AGAP1: variants seen among roughly 807,000 people sequenced by gnomAD.
AGAP1 encodes ArfGAP with GTPase domain, ankyrin repeat and PH domain 1, also known as arf-GAP with GTPase, ANK repeat and PH domain-containing protein 1.
Under a neutral mutation model 105.3 loss-of-function variants are expected in AGAP1, and 29 were observed. That is an observed-to-expected ratio of 0.28 (90% CI 0.21 to 0.38). The LOEUF (loss-of-function observed/expected upper bound fraction) is 0.38, where lower values mean the gene tolerates loss of function less well. Ranked by LOEUF, AGAP1 falls within the 10% of genes least tolerant of loss-of-function variation. The pLI is 1.00. For missense variants in AGAP1, 998 were observed against 1,165.1 expected, an observed-to-expected ratio of 0.86 and a Z score of 2.09; for synonymous variants, 509 against 485.9, an observed-to-expected ratio of 1.05 and a Z score of -0.63.
rs530543131 is a variant in AGAP1 at position 235,867,760 on chromosome 2, G to A, written c.1051-15585G>A. Among the ~76,000 whole-genome samples, 70 of 152,258 alleles carry A rather than the reference G, an allele frequency of 4.6e-4. 1 individual carries two copies. The South Asian group carries it at 0.013, about 29-fold the overall frequency. On this transcript the variant is annotated intron_variant, in intron 9 of 17. Coordinates refer to ENST00000304032, the MANE Select transcript of AGAP1 (RefSeq NM_001037131.3). This position sits in a 1 kb window ranked among gnomAD's most constrained non-coding sequence, Gnocchi z 5.4. ...GGATGTCAGGGGAGCCTCAGCAGGG[G>A]CATCACCTGGATGTACCATTTTCCG...
rs1174549435 is a variant in AGAP1 at position 235,720,968 on chromosome 2, G to A, written c.310+3324G>A. ...TTTTGGTTGATATTTTATTCTTGTAGTGAAGAGAGCCAACTCACAAGATTT... is the reference window on the plus strand; with the variant it reads ...TTTTGGTTGATATTTTATTCTTGTAATGAAGAGAGCCAACTCACAAGATTT... On this transcript the variant is annotated intron_variant, in intron 3 of 17. Coordinates refer to ENST00000304032, the MANE Select transcript of AGAP1 (RefSeq NM_001037131.3). The surrounding 1 kb of genome is among the most constrained non-coding windows in gnomAD (Gnocchi z 5.0). Among the ~76,000 whole-genome samples, 2 of 152,080 alleles carry A rather than the reference G, an allele frequency of 1.3e-5. No individual in the cohort carries two copies. Among genetic ancestry groups the A allele is most frequent in the Non-Finnish European group, 2.9e-5 (2 of 68,024 alleles).
chr2:235,677,415 T>C (rs765191585), intron 1 of AGAP1, among the ~76,000 whole-genome samples: 3 of 152,128 alleles, frequency 2.0e-5, no homozygotes, highest in Non-Finnish European at 2.9e-5. Context: ...TGAAGATAAT[T>C]TTTATGAGGT....
intron 1 of AGAP1, among the ~76,000 whole-genome samples, chr2:235,536,797 T>G (rs921221422): frequency 1.3e-5 from 2 of 152,190 alleles, no homozygotes; most frequent in African/African-American, 4.8e-5. Flanking sequence ...ATTCACTTGA[T>G]TCTTCACGCG....
intron 6 of AGAP1, among the ~76,000 whole-genome samples, chr2:235,791,109 AT>A (rs1327990436): frequency 6.6e-6 from 1 of 152,258 alleles, no homozygotes; most frequent in East Asian, 1.9e-4. Flanking sequence ...ATGGGCTTGA[AT>A]TATCAACAAT....
intron 13 of AGAP1, among the ~76,000 whole-genome samples, chr2:235,990,593 A>G (rs1406082673): frequency 6.6e-6 from 1 of 152,208 alleles, no homozygotes; most frequent in African/African-American, 2.4e-5. Context: ...TTCCAAGGGC[A>G]GGCATCACAT....
In AGAP1 at chr2:235,889,911, A is replaced by G. The variant is rs1033021683; in HGVS notation, c.1155+6462A>G. ...AGCCAACTCAGACTAAGAAAGCTCCATGAAAGTTTATGCCAGTGATAACCT... is the reference window on the plus strand; with the variant it reads ...AGCCAACTCAGACTAAGAAAGCTCCGTGAAAGTTTATGCCAGTGATAACCT... On this transcript the variant is annotated intron_variant, in intron 10 of 17. Coordinates refer to ENST00000304032, the MANE Select transcript of AGAP1 (RefSeq NM_001037131.3). This position sits in a 1 kb window ranked among gnomAD's most constrained non-coding sequence, Gnocchi z 4.6. 1.3e-5 allele frequency among the ~76,000 whole-genome samples: 2 copies of G among 151,654 alleles called. No individual in the cohort carries two copies. The highest frequency in any genetic ancestry group is 2.1e-4 in the South Asian group (1 of 4,772).
At chr2:236,013,458 C>T (rs1424665991) in intron 13 of AGAP1, among the ~76,000 whole-genome samples, 3 of 152,190 alleles carry the variant, frequency 2.0e-5, no homozygotes, top group African/African-American at 7.2e-5. Flanking sequence ...GTTAACCTGT[C>T]GTAAGTCAGG....
intron 1 of AGAP1, among the ~76,000 whole-genome samples, chr2:235,536,468 TACAC>T (rs68065934): frequency 0.033 from 1,626 of 48,906 alleles, 108 homozygotes; most frequent in East Asian, 0.071. Context: ...TGTGGCATCC[TACAC>T]ACACACACAC....
rs1952746803 is a variant in AGAP1, at chr2:235,744,112, C to A, written c.397-586C>A. Among the ~76,000 whole-genome samples, 2 of 152,162 alleles carry A rather than the reference C, an allele frequency of 1.3e-5. No homozygotes were observed. Among genetic ancestry groups the A allele is most frequent in the South Asian group, 4.1e-4 (2 of 4,824 alleles). Reference sequence around the variant, plus strand: ...TTCTTCCCTAAGTTTTGTTAATTTCCCTGAAAATAAGTAGTCATTTCTTTG... The same window carrying A: ...TTCTTCCCTAAGTTTTGTTAATTTCACTGAAAATAAGTAGTCATTTCTTTG... On this transcript the variant is annotated intron_variant, in intron 4 of 17. Transcript: ENST00000304032. The surrounding 1 kb of genome is among the most constrained non-coding windows in gnomAD (Gnocchi z 5.2).
chr2:235,699,214 T>C (rs1239646089), intron 1 of AGAP1, among the ~76,000 whole-genome samples: 4 of 152,082 alleles, frequency 2.6e-5, no homozygotes, highest in African/African-American at 9.7e-5. Flanking sequence ...TGCTGGGGCA[T>C]GGGAACAGCG....
chr2:235,519,897 C>G (rs976890234), intron 1 of AGAP1, among the ~76,000 whole-genome samples: 1 of 152,168 alleles, frequency 6.6e-6, no homozygotes, highest in Non-Finnish European at 1.5e-5. Flanking sequence ...ATTCTCCTGC[C>G]TCAGCCTCCT....
At chr2:235,518,854 C>G (rs192629566) in intron 1 of AGAP1, among the ~76,000 whole-genome samples, 1 of 152,282 alleles carries the variant, frequency 6.6e-6, no homozygotes, top group African/African-American at 2.4e-5. Flanking sequence ...GCTTGCCTCG[C>G]GGGTGCACTT....
intron 2 of AGAP1, among the ~76,000 whole-genome samples, chr2:235,711,355 G>A (rs1273190239): frequency 6.6e-6 from 1 of 152,206 alleles, no homozygotes; most frequent in African/African-American, 2.4e-5. Context: ...TTCAGAGAGG[G>A]CCCACATGAT....
In AGAP1 at chr2:235,661,193, G is replaced by A. The variant is rs374368581; in HGVS notation, c.164-47986G>A. On this transcript the variant is annotated intron_variant, in intron 1 of 17. Coordinates refer to ENST00000304032, the MANE Select transcript of AGAP1 (RefSeq NM_001037131.3). ...AGTAGAGGGAGAGTGGACTCTTCGG[G>A]TAGTTCAGACAGATACGCAGGTGGG... Among the ~76,000 whole-genome samples, 3 of 152,250 alleles carry A rather than the reference G, an allele frequency of 2.0e-5. No individual in the cohort carries two copies. In the South Asian group the frequency reaches 6.2e-4, roughly 32 times the overall value.
At position 236,096,271 on chromosome 2, in the gene AGAP1, C is replaced by T. The variant is rs1257259241; in HGVS notation, c.2115-23921C>T. On this transcript the variant is annotated intron_variant, in intron 16 of 17. Coordinates refer to ENST00000304032, the MANE Select transcript of AGAP1 (RefSeq NM_001037131.3). This position sits in a 1 kb window ranked among gnomAD's most constrained non-coding sequence, Gnocchi z 4.4. ...ATCCCAGCACTTCGGGAGGCCAAGG[C>T]GGGGGAATCCCTGAGGTTAGAAGTT... Among the ~76,000 whole-genome samples, 3 of 152,088 alleles carry T rather than the reference C, an allele frequency of 2.0e-5. No homozygotes were observed. The highest frequency in any genetic ancestry group is 2.9e-5 in the Non-Finnish European group (2 of 68,014).
chr2:235,716,562 G>T lies in AGAP1; in HGVS notation c.223-995G>T, dbSNP rs997933795. On this transcript the variant is annotated intron_variant, in intron 2 of 17. Transcript: ENST00000304032. This position sits in a 1 kb window ranked among gnomAD's most constrained non-coding sequence, Gnocchi z 4.0. ...TTAATGAGCACCTGTGCCTGGGGAT[G>T]GGTGCCTTGTGATGTTTTGGGCTTT... is the stretch of plus-strand genomic sequence containing the variant. 2.6e-5 allele frequency among the ~76,000 whole-genome samples: 4 copies of T among 152,140 alleles called. No homozygotes were observed. Among genetic ancestry groups the T allele is most frequent in the African/African-American group, 9.7e-5 (4 of 41,432 alleles).
intron 1 of AGAP1, among the ~76,000 whole-genome samples, chr2:235,640,873 A>G (rs55898924): frequency 6.6e-6 from 1 of 152,184 alleles, no homozygotes; most frequent in African/African-American, 2.4e-5. Context: ...ATGGGAGAGA[A>G]AAGTCCAGGA....
chr2:236,116,962 C>T (rs2059787080), intron 16 of AGAP1, among the ~76,000 whole-genome samples: 1 of 152,120 alleles, frequency 6.6e-6, no homozygotes, highest in African/African-American at 2.4e-5. Flanking sequence ...TGTATTCCGT[C>T]GTATATGTAT....
At chr2:236,018,477 C>G (rs1048868808) in intron 13 of AGAP1, among the ~76,000 whole-genome samples, 2 of 152,246 alleles carry the variant, frequency 1.3e-5, no homozygotes, top group African/African-American at 2.4e-5. Flanking sequence ...ATCTCCAGGC[C>G]TCACCTGCCC....
Sources: gnomAD v4.1 joint callset for allele counts (sites outside exome capture counted in the v4.1 genomes callset) on GRCh38, gnomAD v4.1.1 for gene constraint, Gnocchi (gnomAD v3.1) non-coding constraint, MANE v1.5 for transcripts, NCBI Gene and HGNC (gene_info 2026-07-23, HGNC 2026-07-21) for gene names.